ESCO2: variants seen among roughly 807,000 people sequenced by gnomAD.
The protein encoded by ESCO2 is N-acetyltransferase ESCO2.
In ESCO2, 51 loss-of-function variants were observed where a neutral mutation model predicts 61.7. The ratio of observed to expected loss-of-function variants is 0.83; its 90% CI spans 0.66 to 1.04. The LOEUF is 1.04. ESCO2 is among the 50% of genes least tolerant of loss of function. ESCO2 has a pLI of 0.00. For synonymous variants in ESCO2, 230 were observed against 238.2 expected (o/e 0.97, Z 0.32); for missense variants, 692 against 686.2 (o/e 1.01, Z -0.09).
chr8:27,772,863 TA>T (rs1252014690), upstream of ESCO2, among the ~76,000 whole-genome samples: 2 of 152,204 alleles, frequency 1.3e-5, no homozygotes, highest in Non-Finnish European at 2.9e-5. Context: ...ACTCACAGGA[TA>T]TTTTTTAGGG....
At chr8:27,777,580 G>A (rs902107901) in intron 3 of ESCO2, 7 of 158,458 alleles carry the variant, frequency 4.4e-5, no homozygotes, top group African/African-American at 7.2e-5. Flanking sequence ...GATTATGGGT[G>A]TGAACCACTG....
rs774431252 is a variant in ESCO2 at position 27,776,561 on chromosome 8, T to C, written c.253T>C (p.Ser85Pro). The change falls in exon 3 of 11, where the codon TCT (serine) becomes CCT (proline). Residue 85 changes from serine (S) to proline (P), a missense_variant. Physicochemically the swap from Ser to Pro is moderately conservative, Grantham distance 74. Transcript: ENST00000305188. ...ATTTAAATCTGCGCTCTCCACTGTA[T>C]CTTTTTACAACCAAAATAAGTGGTA... ...SPFKSALSTVSFYNQNKWYLN... is the reference protein window; with the variant it reads ...SPFKSALSTVPFYNQNKWYLN... 2.1e-5 allele frequency: 34 copies of C among 1,614,026 alleles called. No homozygotes were observed. Among genetic ancestry groups the C allele is most frequent in the Non-Finnish European group, 2.7e-5 (32 of 1,180,024 alleles).
intron 9 of ESCO2, among the ~76,000 whole-genome samples, chr8:27,795,915 T>C (rs1805285929): frequency 6.6e-6 from 1 of 152,152 alleles, no homozygotes; most frequent in African/African-American, 2.4e-5. Context: ...TGGTAACTTC[T>C]CTTGTAGTGT....
chr8:27,778,770 G>C (rs560512599), intron 3 of ESCO2: 2 of 152,088 alleles, frequency 1.3e-5, no homozygotes, highest in African/African-American at 4.8e-5. Context: ...TTCACTTTAC[G>C]GGTTTGGTAT....
At chr8:27,789,517 C>T (rs536363831) in intron 7 of ESCO2, among the ~76,000 whole-genome samples, 3 of 152,266 alleles carry the variant, frequency 2.0e-5, no homozygotes, top group South Asian at 2.1e-4. Context: ...CAGTGACTCA[C>T]TCCTGTAATC....
chr8:27,782,256 A>T (rs897088313), intron 4 of ESCO2, among the ~76,000 whole-genome samples: 24 of 152,150 alleles, frequency 1.6e-4, no homozygotes, highest in African/African-American at 5.5e-4. Context: ...AGAAATAACC[A>T]ATTAGAGTGC....
chr8:27,780,926 G>A (rs1024565260), intron 4 of ESCO2, among the ~76,000 whole-genome samples: 1 of 151,996 alleles, frequency 6.6e-6, no homozygotes, highest in African/African-American at 2.4e-5. Flanking sequence ...ATAAGGCAGT[G>A]CTAAATATTT....
At chr8:27,796,259 C>G (rs182592394) in intron 9 of ESCO2, among the ~76,000 whole-genome samples, 88 of 152,022 alleles carry the variant, frequency 5.8e-4, no homozygotes, top group Non-Finnish European at 3.5e-4. Context: ...CTTTGTACTT[C>G]TGTGATAATC....
downstream of ESCO2, among the ~76,000 whole-genome samples, chr8:27,815,219 G>A (rs1412367519): frequency 6.6e-6 from 1 of 152,108 alleles, no homozygotes; most frequent in Non-Finnish European, 1.5e-5. Flanking sequence ...GGAAAAGTGA[G>A]AATCCATAAG....
downstream of ESCO2, among the ~76,000 whole-genome samples, chr8:27,815,773 CTG>C (rs1440711619): frequency 2.6e-5 from 4 of 152,154 alleles, no homozygotes; most frequent in Non-Finnish European, 4.4e-5. Context: ...TTCTCCAAGT[CTG>C]TAAACATAAT....
chr8:27,800,461 A>G (rs1585410203), intron 10 of ESCO2, among the ~76,000 whole-genome samples: 1 of 152,222 alleles, frequency 6.6e-6, no homozygotes, highest in Non-Finnish European at 1.5e-5. Context: ...CTGTAATCAA[A>G]CAGACAAGTG....
At chr8:27,789,990 G>T (rs550567922) in intron 7 of ESCO2, among the ~76,000 whole-genome samples, 1 of 152,276 alleles carries the variant, frequency 6.6e-6, no homozygotes, top group Admixed American at 6.5e-5. Context: ...CTCTACATCA[G>T]CCAGAAAGTT....
At chr8:27,791,446 A>T (rs1805172360) in intron 7 of ESCO2, among the ~76,000 whole-genome samples, 1 of 152,198 alleles carries the variant, frequency 6.6e-6, no homozygotes, top group Non-Finnish European at 1.5e-5. Context: ...CAGTACCATA[A>T]TATTTCAGTA....
chr8:27,817,504 G>C (rs1290306396), downstream of ESCO2, among the ~76,000 whole-genome samples: 1 of 151,268 alleles, frequency 6.6e-6, no homozygotes, highest in Non-Finnish European at 1.5e-5. Context: ...ATTATTAACT[G>C]TTTTTGTTAC....
chr8:27,787,830 C>T (rs1805080297), intron 5 of ESCO2, 55 bp from the exon 6 acceptor site: 1 of 1,361,408 alleles, frequency 7.3e-7, no homozygotes, highest in African/African-American at 1.4e-5. Context: ...TGCTTTCTTT[C>T]CCTTGTAATT....
intron 9 of ESCO2, among the ~76,000 whole-genome samples, chr8:27,793,291 T>A (rs1017974552): frequency 3.3e-5 from 5 of 151,926 alleles, no homozygotes; most frequent in Non-Finnish European, 7.4e-5. Context: ...GCCTTTTCCT[T>A]CCCCCTCAGC....
At position 27,803,539 on chromosome 8, in the gene ESCO2, C is replaced by T; in HGVS notation, c.*101C>T. On this transcript the variant is annotated 3_prime_UTR_variant, in exon 11 of 11. Transcript: ENST00000305188. ...AATATCAAAATAAAAAATACCGAGA[C>T]TCACACTCATACACACACACACACA... 1.3e-6 allele frequency: 2 copies of T among 1,488,714 alleles called. No homozygotes were observed. Among genetic ancestry groups the T allele is most frequent in the East Asian group, 2.6e-5 (1 of 38,588 alleles). 92.2% of individuals were successfully genotyped at this position (1,488,714 alleles called of 1,614,324 possible). A position where few individuals can be genotyped will look rare whatever the true frequency, so the allele number is the denominator to read the frequency against.
downstream of ESCO2, among the ~76,000 whole-genome samples, chr8:27,817,212 A>C (rs901701418): frequency 2.0e-5 from 3 of 152,152 alleles, no homozygotes; most frequent in African/African-American, 7.2e-5. Context: ...AGCCAGATCA[A>C]ATTTTTCATC....
At chr8:27,817,777 G>A in the ESCO2 span, among the ~76,000 whole-genome samples, 1 of 151,960 alleles carries the variant, frequency 6.6e-6, no homozygotes, top group African/African-American at 2.4e-5. Context: ...CACCTGAAAG[G>A]TTCTACCACA....
Sources: gnomAD v4.1 joint callset for allele counts (sites outside exome capture counted in the v4.1 genomes callset) on GRCh38, gnomAD v4.1.1 for gene constraint, MANE v1.5 for transcripts, NCBI Gene and HGNC (gene_info 2026-07-23, HGNC 2026-07-21) for gene names.